RBFOX1: variants seen among roughly 807,000 people sequenced by gnomAD.
The protein encoded by RBFOX1 is RNA binding protein fox-1 homolog 1.
Under a neutral mutation model 57.7 loss-of-function variants are expected in RBFOX1, and 8 were observed. The ratio of observed to expected loss-of-function variants is 0.14; its 90% CI spans 0.08 to 0.25. The LOEUF (loss-of-function observed/expected upper bound fraction) is 0.25, where lower values mean the gene tolerates loss of function less well. Among genes scored for constraint, RBFOX1 ranks in the 10% least tolerant of loss-of-function variants. The pLI, the probability that RBFOX1 is intolerant of heterozygous loss-of-function variation, is 1.00. For missense variants in RBFOX1, 611 were observed against 548.5 expected (o/e 1.11, Z -1.14); for synonymous variants, 326 against 222.4 (o/e 1.47, Z -4.15).
intron 10 of RBFOX1, among the ~76,000 whole-genome samples, chr16:7,624,365 C>G (rs1183868425): frequency 6.6e-6 from 1 of 152,180 alleles, no homozygotes; most frequent in East Asian, 1.9e-4. Flanking sequence ...AATAATTATA[C>G]TTATCTTAGT....
chr16:5,667,045 A>G (rs572832099), intron 3 of RBFOX1, among the ~76,000 whole-genome samples: 10 of 152,326 alleles, frequency 6.6e-5, no homozygotes, highest in African/African-American at 2.4e-4. Context: ...GAGGTTGATA[A>G]GATGCCTGTT....
At chr16:6,727,505 G>A (rs1363457852) in intron 3 of RBFOX1, among the ~76,000 whole-genome samples, 4 of 151,864 alleles carry the variant, frequency 2.6e-5, no homozygotes, top group Non-Finnish European at 4.4e-5. Flanking sequence ...TACGCAAATT[G>A]TACACTGATT....
intron 3 of RBFOX1, among the ~76,000 whole-genome samples, chr16:5,758,017 A>G (rs1484477262): frequency 6.6e-6 from 1 of 152,098 alleles, no homozygotes; most frequent in African/African-American, 2.4e-5. Context: ...TCCCAGAAAA[A>G]CATCTCTGGA....
intron 3 of RBFOX1, among the ~76,000 whole-genome samples, 173 bp from the exon 4 acceptor site, chr16:7,051,884 T>C (rs1381043974): frequency 6.6e-6 from 1 of 152,182 alleles, no homozygotes; most frequent in African/African-American, 2.4e-5. Flanking sequence ...AATCACACAA[T>C]TGAACTCCAA....
intron 4 of RBFOX1, among the ~76,000 whole-genome samples, chr16:7,186,249 TAAACATATTTATATAAAC>T (rs1567617418): frequency 0.21 from 26,621 of 125,098 alleles, 3,358 homozygotes; most frequent in South Asian, 0.3. Flanking sequence ...TATATAAACA[TAAACATATTTATATAAAC>T]ATAAACATAA....
intron 1 of RBFOX1, chr16:5,270,617 C>G: frequency 1.7e-6 from 1 of 585,116 alleles, no homozygotes; most frequent in Non-Finnish European, 3.2e-6. Flanking sequence ...ACGCAACAAT[C>G]AGATACTGAA....
intron 4 of RBFOX1, among the ~76,000 whole-genome samples, chr16:7,506,611 C>T (rs1330207853): frequency 6.6e-6 from 1 of 152,104 alleles, no homozygotes; most frequent in Non-Finnish European, 1.5e-5. Context: ...TCATCACCAC[C>T]ACCACCATCT....
chr16:5,369,393 C>T (rs947063474), intron 1 of RBFOX1, among the ~76,000 whole-genome samples: 12 of 152,222 alleles, frequency 7.9e-5, no homozygotes, highest in African/African-American at 2.2e-4. Context: ...TTGGAATAGC[C>T]AGGGACCAGC....
intron 3 of RBFOX1, among the ~76,000 whole-genome samples, chr16:6,857,045 A>G (rs982425091): frequency 1.3e-5 from 2 of 152,190 alleles, no homozygotes; most frequent in African/African-American, 4.8e-5. Context: ...AATCGTGTTC[A>G]ACCCCACATC....
intron 14 of RBFOX1, among the ~76,000 whole-genome samples, chr16:7,689,906 G>A (rs944755089): frequency 1.3e-5 from 2 of 152,010 alleles, no homozygotes; most frequent in African/African-American, 4.8e-5. Flanking sequence ...ACCCTTTCTT[G>A]GATACTGTAT....
chr16:6,796,747 C>G (rs1275755210), intron 3 of RBFOX1, among the ~76,000 whole-genome samples: 1 of 152,126 alleles, frequency 6.6e-6, no homozygotes, highest in African/African-American at 2.4e-5. Context: ...ATCCTAAACG[C>G]CCCATGAAGA....
chr16:5,808,386 T>G (rs2055303708), intron 3 of RBFOX1, among the ~76,000 whole-genome samples: 1 of 152,216 alleles, frequency 6.6e-6, no homozygotes, highest in African/African-American at 2.4e-5. Flanking sequence ...GGCTTAGGAT[T>G]GACTTGGCGA....
chr16:6,732,977 A>G (rs7187326), intron 3 of RBFOX1, among the ~76,000 whole-genome samples: 29 of 152,362 alleles, frequency 1.9e-4, no homozygotes, highest in African/African-American at 6.7e-4. Flanking sequence ...TATTTGCAGA[A>G]GGAATTATAA....
chr16:7,573,471 C>G (rs1167358958), intron 5 of RBFOX1, among the ~76,000 whole-genome samples: 2 of 152,136 alleles, frequency 1.3e-5, no homozygotes, highest in Non-Finnish European at 2.9e-5. Flanking sequence ...TTCTGCATGG[C>G]TATGTCCTAC....
chr16:5,982,023 G>C (rs567236574), intron 4 of RBFOX1, among the ~76,000 whole-genome samples: 1 of 152,322 alleles, frequency 6.6e-6, no homozygotes, highest in East Asian at 1.9e-4. Context: ...AGTCTATGCA[G>C]ATTGAGGAGT....
chr16:6,314,303 GC>G (rs1320490232), intron 1 of RBFOX1, among the ~76,000 whole-genome samples: 2 of 152,140 alleles, frequency 1.3e-5, no homozygotes, highest in Non-Finnish European at 2.9e-5. Flanking sequence ...ATTAAACATT[GC>G]CCTTGCCTTC....
intron 4 of RBFOX1, among the ~76,000 whole-genome samples, chr16:7,324,015 T>C (rs1056869245): frequency 6.6e-6 from 1 of 151,794 alleles, no homozygotes; most frequent in Non-Finnish European, 1.5e-5. Flanking sequence ...TCCAGCAGTT[T>C]TTTGTTTTGT....
chr16:5,445,768 A>C (rs980679537), intron 1 of RBFOX1, among the ~76,000 whole-genome samples: 4 of 152,196 alleles, frequency 2.6e-5, no homozygotes, highest in African/African-American at 9.7e-5. Context: ...ATTGCCACTA[A>C]ATTTTTCTAG....
chr16:6,150,321 T>C (rs1429826457), intron 1 of RBFOX1, among the ~76,000 whole-genome samples: 1 of 152,234 alleles, frequency 6.6e-6, no homozygotes, highest in Admixed American at 6.5e-5. Context: ...AGAACCATCA[T>C]TGATTAACAC....
Sources: gnomAD v4.1 joint callset for allele counts (sites outside exome capture counted in the v4.1 genomes callset) on GRCh38, gnomAD v4.1.1 for gene constraint, MANE v1.5 for transcripts, NCBI Gene and HGNC (gene_info 2026-07-23, HGNC 2026-07-21) for gene names.